Variants in CSMD1 observed in about 807,000 individuals in gnomAD.
CSMD1 encodes CUB and Sushi multiple domains 1, also known as CUB and sushi domain-containing protein 1.
Under a neutral mutation model 417.5 loss-of-function variants are expected in CSMD1, and 213 were observed. That is an observed-to-expected ratio of 0.51 (90% CI 0.46 to 0.57). CSMD1 has a LOEUF of 0.57. Among genes scored for constraint, CSMD1 ranks in the 20% least tolerant of loss-of-function variants. CSMD1 has a pLI of 0.00. For missense variants in CSMD1, 6,923 were observed against 4,529.7 expected, an observed-to-expected ratio of 1.53 and a Z score of -15.17; for synonymous variants, 2,862 against 1,736.8, an observed-to-expected ratio of 1.65 and a Z score of -16.11.
chr8:4,826,968 C>T (rs186412951), intron 1 of CSMD1, among the ~76,000 whole-genome samples: 6 of 152,214 alleles, frequency 3.9e-5, no homozygotes, highest in South Asian at 2.1e-4. Flanking sequence ...GCTCACTACA[C>T]GTTGAATACG....
intron 3 of CSMD1, among the ~76,000 whole-genome samples, chr8:4,311,018 T>C (rs900451834): frequency 3.3e-5 from 5 of 152,124 alleles, no homozygotes; most frequent in African/African-American, 1.2e-4. Flanking sequence ...GGCAAGGATG[T>C]GGAGAAAAGG....
chr8:2,974,367 C>T, intron 56 of CSMD1, 84 bp downstream of exon 56: 1 of 1,267,434 alleles, frequency 7.9e-7, no homozygotes. Flanking sequence ...TTTCAAATAA[C>T]TGTAAATCAT....
chr8:3,310,127 G>T (rs182374411), intron 23 of CSMD1, among the ~76,000 whole-genome samples: 1 of 152,192 alleles, frequency 6.6e-6, no homozygotes, highest in Non-Finnish European at 1.5e-5. Flanking sequence ...TAGGGGGATG[G>T]TTTCAATCAA....
intron 2 of CSMD1, among the ~76,000 whole-genome samples, chr8:4,454,789 G>C (rs113131376): frequency 7.9e-5 from 12 of 152,208 alleles, no homozygotes; most frequent in Non-Finnish European, 1.6e-4. Context: ...AGGCACTTAA[G>C]CTACAACTAG....
chr8:3,507,370 T>C (rs1205121430), intron 10 of CSMD1, among the ~76,000 whole-genome samples: 1 of 152,228 alleles, frequency 6.6e-6, no homozygotes, highest in Non-Finnish European at 1.5e-5. Flanking sequence ...TTACATGATG[T>C]ATTTGTGCCA....
chr8:4,324,703 G>C (rs1330809328), intron 3 of CSMD1, among the ~76,000 whole-genome samples: 4 of 152,190 alleles, frequency 2.6e-5, no homozygotes, highest in East Asian at 3.8e-4. Flanking sequence ...AATTTGCCCT[G>C]TTTTCCATAA....
chr8:4,184,794 C>A (rs537741205), intron 3 of CSMD1, among the ~76,000 whole-genome samples: 2 of 151,846 alleles, frequency 1.3e-5, no homozygotes, highest in Admixed American at 1.3e-4. Flanking sequence ...ACCTGTGACA[C>A]AGGTTTACTT....
intron 7 of CSMD1, among the ~76,000 whole-genome samples, chr8:3,649,532 C>A (rs185966549): frequency 6.6e-6 from 1 of 152,094 alleles, no homozygotes; most frequent in Non-Finnish European, 1.5e-5. Flanking sequence ...AGCAAGGCAC[C>A]TTCTTCACAA....
chr8:4,717,899 T>C (rs928367600), intron 1 of CSMD1, among the ~76,000 whole-genome samples: 2 of 152,184 alleles, frequency 1.3e-5, no homozygotes, highest in African/African-American at 4.8e-5. Context: ...ATAAATAGGA[T>C]GACTAAAGTA....
chr8:4,229,855 T>G (rs890532768), intron 3 of CSMD1, among the ~76,000 whole-genome samples: 2 of 152,210 alleles, frequency 1.3e-5, no homozygotes, highest in South Asian at 4.1e-4. Flanking sequence ...ATCGCTTTGG[T>G]CTGTGTTCTG....
intron 1 of CSMD1, among the ~76,000 whole-genome samples, chr8:4,967,095 G>A (rs1201609130): frequency 6.6e-6 from 1 of 152,146 alleles, no homozygotes; most frequent in Admixed American, 6.5e-5. Flanking sequence ...AAATGTCTGA[G>A]CAGATAAATT....
chr8:4,203,245 G>C (rs1025824171), intron 3 of CSMD1, among the ~76,000 whole-genome samples: 1 of 152,170 alleles, frequency 6.6e-6, no homozygotes, highest in Non-Finnish European at 1.5e-5. Context: ...GCTCAGGAAT[G>C]TTGGCAGCCT....
chr8:3,748,956 A>T (rs1224217300), intron 6 of CSMD1, among the ~76,000 whole-genome samples: 1 of 152,202 alleles, frequency 6.6e-6, no homozygotes, highest in Admixed American at 6.5e-5. Flanking sequence ...TACTTTCATG[A>T]TGATTTATCA....
In CSMD1 at chr8:3,366,954, A is replaced by C. The variant is rs4875702; in HGVS notation, c.3115+78T>G. 258,694 of 1,089,284 alleles carry C rather than the reference A, an allele frequency of 0.24. 32,229 individuals carry two copies. The highest frequency in any genetic ancestry group is 0.35 in the Admixed American group (17,543 of 50,408). 67.5% of individuals were successfully genotyped at this position (1,089,284 alleles called of 1,614,324 possible). On this transcript the variant is annotated intron_variant, in intron 20 of 69. Coordinates refer to ENST00000635120, the MANE Select transcript of CSMD1 (RefSeq NM_033225.6). ...GGATGCACACATTACACACACACACACACCCACACACATTCTCACTAACAG... is the reference window on the plus strand; with the variant it reads ...GGATGCACACATTACACACACACACCCACCCACACACATTCTCACTAACAG...
chr8:3,059,350 C>A (rs1200202891), intron 49 of CSMD1, among the ~76,000 whole-genome samples: 1 of 124,052 alleles, frequency 8.1e-6, no homozygotes, highest in African/African-American at 2.7e-5. Flanking sequence ...ACTCCCTTCC[C>A]TGCACAACTT....
chr8:3,595,779 G>C (rs559359737), intron 8 of CSMD1, among the ~76,000 whole-genome samples: 14 of 152,304 alleles, frequency 9.2e-5, no homozygotes, highest in Middle Eastern at 3.4e-3. Flanking sequence ...ACAGGACTTT[G>C]TCATGCGAAG....
At chr8:3,213,473 C>T (rs1006309864) in intron 30 of CSMD1, among the ~76,000 whole-genome samples, 2 of 152,172 alleles carry the variant, frequency 1.3e-5, no homozygotes, top group Admixed American at 6.5e-5. Context: ...TCCCAGTTCA[C>T]ACCCACAGGG....
rs149054096 is a variant in CSMD1 at position 3,669,824 on chromosome 8, C to A, written c.1009+38590G>T. Among the ~76,000 whole-genome samples, 175 of 152,246 alleles carry A rather than the reference C, an allele frequency of 1.1e-3. 2 individuals carry two copies. Among genetic ancestry groups the A allele is most frequent in the African/African-American group, 3.8e-3 (158 of 41,546 alleles). On this transcript the variant is annotated intron_variant, in intron 7 of 69. Transcript: ENST00000635120. ...CAGCCCTAACAGCCAATTCAGAGAA[C>A]AGGACACAGTGGGTGATGTCAGCCA...
At chr8:4,387,749 T>TG (rs1803553365) in intron 3 of CSMD1, among the ~76,000 whole-genome samples, 1 of 152,056 alleles carries the variant, frequency 6.6e-6, no homozygotes, top group Non-Finnish European at 1.5e-5. Context: ...CTACAACATA[T>TG]TCAAAAATCC....
Sources: gnomAD v4.1 joint callset for allele counts (sites outside exome capture counted in the v4.1 genomes callset) on GRCh38, gnomAD v4.1.1 for gene constraint, MANE v1.5 for transcripts, NCBI Gene and HGNC (gene_info 2026-07-23, HGNC 2026-07-21) for gene names.